GINS1: variants seen among roughly 807,000 people sequenced by gnomAD.
GINS1 encodes the protein DNA replication complex GINS protein PSF1.
GINS1 carries 26 observed loss-of-function variants against 34.9 expected under a neutral mutation model. The observed-to-expected ratio is 0.74, with a 90% confidence interval of 0.55 to 1.03. GINS1 has a LOEUF of 1.03. Ranked by LOEUF, GINS1 falls within the 50% of genes least tolerant of loss-of-function variation. GINS1 has a pLI of 0.00. For synonymous variants in GINS1, 97 were observed against 84.4 expected, an observed-to-expected ratio of 1.15 and a Z score of -0.82; for missense variants, 235 against 237.9, an observed-to-expected ratio of 0.99 and a Z score of 0.08.
intron 1 of GINS1, among the ~76,000 whole-genome samples, chr20:25,412,980 T>G (rs2090295713): frequency 6.6e-6 from 1 of 152,184 alleles, no homozygotes; most frequent in Non-Finnish European, 1.5e-5. Flanking sequence ...TCATGTAAAC[T>G]CTTGTGTCAG....
In GINS1 at chr20:25,407,849, T is replaced by G. The variant is rs752803071; in HGVS notation, c.29T>G (p.Ile10Ser). The change falls in exon 1 of 7, where the codon ATC (isoleucine) becomes AGC (serine). Residue 10 changes from isoleucine to serine, a missense_variant. Transcript: ENST00000262460. ...TTCTGCGAAAAAGCCATGGAACTGATCCGCGAGCTGCATCGCGCGCCCGAA... is the reference window on the plus strand; with the variant it reads ...TTCTGCGAAAAAGCCATGGAACTGAGCCGCGAGCTGCATCGCGCGCCCGAA... MFCEKAMEL[I>S]RELHRAPEGQ... 25 of 1,613,856 alleles carry G rather than the reference T, an allele frequency of 1.5e-5. No homozygotes were observed. Among genetic ancestry groups the G allele is most frequent in the Non-Finnish European group, 1.8e-5 (21 of 1,179,966 alleles).
In GINS1 at chr20:25,418,109, G is replaced by A. The variant is rs1158698694; in HGVS notation, c.244G>A (p.Asp82Asn). ...NRRCTVAYLY[D>N]RLLRIRALRW... Reference sequence around the variant, plus strand: ...AATACCTTCTTGATGTCCTAGGTATGACCGCTTGCTTCGGATCAGAGCACT... The same window carrying A: ...AATACCTTCTTGATGTCCTAGGTATAACCGCTTGCTTCGGATCAGAGCACT... Residue 82 changes from aspartate (D) to asparagine (N), a missense_variant, in exon 4 of 7, where the codon GAC becomes AAC. By Grantham distance (23) the Asp-to-Asn change is conservative. Transcript: ENST00000262460. The A allele has an allele frequency of 3.2e-6, 5 of 1,580,252 alleles. No homozygotes were observed. The highest frequency in any genetic ancestry group is 4.4e-6 in the Non-Finnish European group (5 of 1,148,824).
chr20:25,413,636 C>G lies in GINS1; in HGVS notation c.76-154C>G. 1.3e-5 allele frequency: 8 copies of G among 608,554 alleles called. No individual in the cohort carries two copies. The South Asian group carries it at 1.6e-4, about 12-fold the overall frequency. The allele number at this position is 608,554 out of a possible 1,614,324, so 37.7% of individuals were successfully genotyped here. A position where few individuals can be genotyped will look rare whatever the true frequency, so the allele number is the denominator to read the frequency against. On this transcript the variant is annotated intron_variant, in intron 1 of 6. Coordinates refer to ENST00000262460, the MANE Select transcript of GINS1 (RefSeq NM_021067.5). ...AGGGTTCCAGTTTCTCCGCATCTCA[C>G]CAACACTTGTTATAACCATGCTAGT... is the stretch of plus-strand genomic sequence containing the variant.
chr20:25,447,673 C>G lies in GINS1; in HGVS notation c.*1682C>G, dbSNP rs1483398386. On this transcript the variant is annotated 3_prime_UTR_variant, in exon 7 of 7. Transcript: ENST00000262460. Reference sequence around the variant, plus strand: ...TATTTTTTGTAGAGATGGGGTTTCACCGTGTTGGCCAGGCTGTGTTGAACT... The same window carrying G: ...TATTTTTTGTAGAGATGGGGTTTCAGCGTGTTGGCCAGGCTGTGTTGAACT... 1 of 152,204 alleles carries G rather than the reference C, an allele frequency of 6.6e-6. No homozygotes were observed. Among genetic ancestry groups the G allele is most frequent in the Non-Finnish European group, 1.5e-5 (1 of 68,054 alleles). The allele number at this position is 152,204 out of a possible 1,614,324, so 9.4% of individuals were successfully genotyped here. A position where few individuals can be genotyped will look rare whatever the true frequency, so the allele number is the denominator to read the frequency against.
chr20:25,435,785 A>C (rs1300995391), intron 5 of GINS1, among the ~76,000 whole-genome samples: 1 of 124,270 alleles, frequency 8.0e-6, no homozygotes, highest in African/African-American at 3.1e-5. Context: ...AAAAAAAAAA[A>C]AAACCAACTT....
At position 25,407,744 on chromosome 20, in the gene GINS1, A is replaced by C. The variant is rs2090254465; in HGVS notation, c.-77A>C. 1.8e-6 allele frequency: 2 copies of C among 1,090,850 alleles called. No homozygotes were observed. The highest frequency in any genetic ancestry group is 2.6e-5 in the South Asian group (2 of 77,964). 67.6% of individuals were successfully genotyped at this position (1,090,850 alleles called of 1,614,324 possible). On this transcript the variant is annotated 5_prime_UTR_variant, in exon 1 of 7. Coordinates refer to ENST00000262460, the MANE Select transcript of GINS1 (RefSeq NM_021067.5). The stretch of plus-strand genomic sequence containing the variant: ...CTGTAGGACTAGAACGAAAGGAGTG[A>C]GGCGCCGAGAGCCCAGATACCATTT...
At chr20:25,416,996 T>C in intron 2 of GINS1, 108 bp from the exon 3 acceptor site, 1 of 581,654 alleles carries the variant, frequency 1.7e-6, no homozygotes, top group Non-Finnish European at 3.0e-6. Context: ...TAACTGCTAA[T>C]CACAAATGGA....
In GINS1 at chr20:25,448,537, TAA is replaced by T. The variant is rs1470061473; in HGVS notation, c.*2548_*2549del. 6 of 152,236 alleles carry T rather than the reference TAA, an allele frequency of 3.9e-5. No individual in the cohort carries two copies. The highest frequency in any genetic ancestry group is 8.8e-5 in the Non-Finnish European group (6 of 68,038). 9.4% of individuals were successfully genotyped at this position (152,236 alleles called of 1,614,324 possible). On this transcript the variant is annotated 3_prime_UTR_variant, in exon 7 of 7. Transcript: ENST00000262460. The stretch of plus-strand genomic sequence containing the variant: ...CATCAACAGTCATGTGTTCTATGAA[TAA>T]AGAGTTTTACTCCTTCCTTTCTAAT...
intron 2 of GINS1, among the ~76,000 whole-genome samples, chr20:25,415,130 A>G (rs2090312254): frequency 6.6e-6 from 1 of 152,226 alleles, no homozygotes; most frequent in Admixed American, 6.5e-5. Flanking sequence ...TTGAATATAG[A>G]AATCAGTGTT....
chr20:25,412,563 G>T (rs1367618802), intron 1 of GINS1, among the ~76,000 whole-genome samples: 2 of 152,010 alleles, frequency 1.3e-5, no homozygotes, highest in East Asian at 3.9e-4. Flanking sequence ...TAAAAAAAAA[G>T]ACCATTTTTT....
intron 5 of GINS1, among the ~76,000 whole-genome samples, chr20:25,426,639 C>CTTT (rs2090392603): frequency 6.6e-6 from 1 of 151,880 alleles, no homozygotes; most frequent in Non-Finnish European, 1.5e-5. Context: ...GATTCTCTGG[C>CTTT]CTCAGCCTCC....
chr20:25,441,348 A>T (rs1251800463), intron 5 of GINS1, among the ~76,000 whole-genome samples: 1 of 152,110 alleles, frequency 6.6e-6, no homozygotes, highest in Non-Finnish European at 1.5e-5. Context: ...TATGGGAGGG[A>T]TCTATAAGAA....
rs1174716426 is a variant in GINS1, at chr20:25,447,406, A to G, written c.*1415A>G. 1 of 152,178 alleles carries G rather than the reference A, an allele frequency of 6.6e-6. No individual in the cohort carries two copies. The highest frequency in any genetic ancestry group is 1.5e-5 in the Non-Finnish European group (1 of 68,038). The allele number at this position is 152,178 out of a possible 1,614,324, so 9.4% of individuals were successfully genotyped here. On this transcript the variant is annotated 3_prime_UTR_variant, in exon 7 of 7. Coordinates refer to ENST00000262460, the MANE Select transcript of GINS1 (RefSeq NM_021067.5). Reference sequence around the variant, plus strand: ...TCCACCTTCACTTTTTCTTGGGAATATAGATATCCAGCTGTTTCACTACCA... The same window carrying G: ...TCCACCTTCACTTTTTCTTGGGAATGTAGATATCCAGCTGTTTCACTACCA...
intron 1 of GINS1, chr20:25,409,096 G>A: frequency 1.1e-6 from 1 of 917,826 alleles, no homozygotes; most frequent in Non-Finnish European, 1.3e-6. Context: ...CCAGCCAAAG[G>A]ATGCTGCAGC....
chr20:25,418,956 T>G (rs2090338001), intron 4 of GINS1, among the ~76,000 whole-genome samples: 1 of 152,192 alleles, frequency 6.6e-6, no homozygotes. Flanking sequence ...CAACTCTGAG[T>G]CATCTTGTTA....
rs1351010915 is a variant in GINS1, at chr20:25,425,199, CTA to C, written c.331-10_331-9del. ...TTAGAATTTTGTCAAATGATCATCT[CTA>C]TGTTTGCAGATGGAGTGGTTTAATA... On this transcript the variant is annotated splice_polypyrimidine_tract_variant and intron_variant, in intron 4 of 6. Coordinates refer to ENST00000262460, the MANE Select transcript of GINS1 (RefSeq NM_021067.5). 11 of 1,107,550 alleles carry C rather than the reference CTA, an allele frequency of 9.9e-6. No individual in the cohort carries two copies. Among genetic ancestry groups the C allele is most frequent in the South Asian group, 3.8e-5 (3 of 78,268 alleles). The allele number at this position is 1,107,550 out of a possible 1,614,324, so 68.6% of individuals were successfully genotyped here.
At chr20:25,428,969 CTT>C (rs77113924) in intron 5 of GINS1, among the ~76,000 whole-genome samples, 3 of 127,436 alleles carry the variant, frequency 2.4e-5, no homozygotes, top group Non-Finnish European at 3.3e-5. Context: ...ATTCCTCTCT[CTT>C]TTTTTTTTTT....
chr20:25,418,076 T>A, intron 3 of GINS1, 29 bp from the exon 4 acceptor site: 1 of 1,237,566 alleles, frequency 8.1e-7, no homozygotes, highest in South Asian at 1.2e-5. Flanking sequence ...TTTATTCTTA[T>A]GCCACCCAAT....
At chr20:25,421,072 G>A (rs1473158325) in intron 4 of GINS1, 1 of 475,030 alleles carries the variant, frequency 2.1e-6, no homozygotes, top group East Asian at 1.5e-4. Flanking sequence ...GCTTCAATGG[G>A]TGACTGAAGC....
Sources: gnomAD v4.1 joint callset for allele counts (sites outside exome capture counted in the v4.1 genomes callset) on GRCh38, gnomAD v4.1.1 for gene constraint, MANE v1.5 for transcripts, NCBI Gene and HGNC (gene_info 2026-07-23, HGNC 2026-07-21) for gene names.